The following CPSF7 variants were observed in gnomAD, a reference collection of about 807,000 sequenced individuals.
CPSF7 encodes cleavage and polyadenylation specificity factor subunit 7.
A neutral mutation model predicts 44.3 loss-of-function variants in CPSF7; 1 was observed. The observed-to-expected ratio is 0.02, with a 90% CI of 0.01 to 0.11. The LOEUF (loss-of-function observed/expected upper bound fraction) is 0.11. Among genes scored for constraint, CPSF7 ranks in the 10% least tolerant of loss-of-function variants. The pLI, the probability that CPSF7 is intolerant of heterozygous loss-of-function variation, is 1.00. For missense variants in CPSF7, 443 were observed against 607.2 expected, an observed-to-expected ratio of 0.73 and a Z score of 2.84; for synonymous variants, 202 against 222.0, an observed-to-expected ratio of 0.91 and a Z score of 0.80.
chr11:61,405,456 C>CAG (rs1859228132), intron 9 of CPSF7, among the ~76,000 whole-genome samples: 1 of 152,150 alleles, frequency 6.6e-6, no homozygotes, highest in African/African-American at 2.4e-5. Context: ...GAACAGAAAG[C>CAG]AGAGCATGGA....
At position 61,403,441 on chromosome 11, in the gene CPSF7, C is replaced by T. The variant is rs371425642; in HGVS notation, c.*1269G>A. On this transcript the variant is annotated 3_prime_UTR_variant, in exon 10 of 10. Transcript: ENST00000439958. ...TGTTATGGAAAAGCAATTCCATTTG[C>T]CTGTAGAGAAAATGGCCCCCAGAAT... 10 of 152,304 alleles carry T rather than the reference C, an allele frequency of 6.6e-5. No individual in the cohort carries two copies. The highest frequency in any genetic ancestry group is 6.2e-4 in the South Asian group (3 of 4,828). The allele number at this position is 152,304 out of a possible 1,614,324, so 9.4% of individuals were successfully genotyped here.
intron 2 of CPSF7, among the ~76,000 whole-genome samples, chr11:61,423,136 C>A (rs1590727037): frequency 3.7e-5 from 4 of 109,168 alleles, no homozygotes; most frequent in South Asian, 3.3e-4. Context: ...AAAAAGGGTT[C>A]AGGATTCTAC....
intron 3 of CPSF7, chr11:61,421,067 C>A (rs760574710): frequency 2.7e-5 from 37 of 1,347,704 alleles, no homozygotes; most frequent in Non-Finnish European, 3.5e-5. Flanking sequence ...TATCACAGGA[C>A]CATCTAATGA....
At chr11:61,408,287 G>A (rs750058094) in intron 9 of CPSF7, among the ~76,000 whole-genome samples, 18 of 151,698 alleles carry the variant, frequency 1.2e-4, no homozygotes, top group Admixed American at 3.9e-4. Context: ...GGTCTCGGTC[G>A]GGATAGAGAC....
At position 61,416,454 on chromosome 11, in the gene CPSF7, C is replaced by T; in HGVS notation, c.589G>A (p.Glu197Lys). 1 of 1,614,126 alleles carries T rather than the reference C, an allele frequency of 6.2e-7. No homozygotes were observed. The highest frequency in any genetic ancestry group is 8.5e-7 in the Non-Finnish European group (1 of 1,180,014). The part of the protein sequence containing the change: ...DSADGRATPS[E>K]NLVPSSARVD... Reference sequence around the variant, plus strand: ...CGAGCAGATGAGGGTACAAGGTTCTCAGAGGGTGTGGCCCGTCCATCAGCA... The same window carrying T: ...CGAGCAGATGAGGGTACAAGGTTCTTAGAGGGTGTGGCCCGTCCATCAGCA... Residue 197 changes from glutamate (E) to lysine (K), a missense_variant, in exon 6 of 10, where the codon GAG (glutamate) becomes AAG (lysine). Transcript: ENST00000439958.
chr11:61,410,739 C>G, intron 9 of CPSF7, 199 bp downstream of exon 9: 1 of 479,192 alleles, frequency 2.1e-6, no homozygotes, highest in Non-Finnish European at 3.6e-6. Flanking sequence ...AGTCAAGAAA[C>G]AAGCAGAAAC....
intron 9 of CPSF7, among the ~76,000 whole-genome samples, chr11:61,409,539 A>G (rs976753728): frequency 6.6e-6 from 1 of 152,206 alleles, no homozygotes; most frequent in Non-Finnish European, 1.5e-5. Flanking sequence ...CCAAAAGCAA[A>G]AAACCCTTCC....
At chr11:61,428,075 C>T (rs749765202) in intron 2 of CPSF7, among the ~76,000 whole-genome samples, 1 of 152,148 alleles carries the variant, frequency 6.6e-6, no homozygotes, top group African/African-American at 2.4e-5. Flanking sequence ...TGAAAATAAC[C>T]CAGGCAAGAT....
At chr11:61,424,315 C>G (rs1446066754) in intron 2 of CPSF7, among the ~76,000 whole-genome samples, 2 of 152,200 alleles carry the variant, frequency 1.3e-5, no homozygotes, top group Non-Finnish European at 2.9e-5. Context: ...ACTATCCCAA[C>G]TCTATAGACA....
intron 2 of CPSF7, among the ~76,000 whole-genome samples, chr11:61,427,505 T>G (rs1261936490): frequency 1.3e-5 from 2 of 151,294 alleles, no homozygotes; most frequent in Non-Finnish European, 2.9e-5. Context: ...TTACAAAAAT[T>G]AGCCAGGTGA....
At chr11:61,410,039 A>T (rs1216888955) in intron 9 of CPSF7, among the ~76,000 whole-genome samples, 1 of 150,472 alleles carries the variant, frequency 6.6e-6, no homozygotes, top group Non-Finnish European at 1.5e-5. Flanking sequence ...GTGATCCTCT[A>T]GCCTCTGCCT....
intron 3 of CPSF7, 179 bp downstream of exon 3, chr11:61,421,211 G>A: frequency 9.5e-7 from 1 of 1,056,362 alleles, no homozygotes. Context: ...GCTTTCTTCG[G>A]CACCAGTACG....
At chr11:61,418,223 A>G (rs917933181) in intron 5 of CPSF7, among the ~76,000 whole-genome samples, 5 of 152,204 alleles carry the variant, frequency 3.3e-5, no homozygotes, top group Non-Finnish European at 5.9e-5. Context: ...GGATACACCC[A>G]ATCAATACAA....
intron 9 of CPSF7, among the ~76,000 whole-genome samples, chr11:61,407,472 T>G (rs1859430464): frequency 6.6e-6 from 1 of 152,184 alleles, no homozygotes; most frequent in Admixed American, 6.5e-5. Flanking sequence ...GAGACTGAAT[T>G]AGGCCAAAGT....
rs968491006 is a variant in CPSF7, at chr11:61,402,800, G to A, written c.*1910C>T. On this transcript the variant is annotated 3_prime_UTR_variant, in exon 10 of 10. Transcript: ENST00000439958. ...AGACAAACAAATCACCGACAACAGG[G>A]GGACGGGACCTTGGCCTTTTTGAGG... The A allele has an allele frequency of 6.6e-6, 1 of 152,496 alleles. No individual in the cohort carries two copies. Among genetic ancestry groups the A allele is most frequent in the Non-Finnish European group, 1.5e-5 (1 of 68,030 alleles). The allele number at this position is 152,496 out of a possible 1,614,324, so 9.4% of individuals were successfully genotyped here. A position where few individuals can be genotyped will look rare whatever the true frequency, so the allele number is the denominator to read the frequency against.
At chr11:61,428,413 T>C (rs1175434766) in intron 2 of CPSF7, among the ~76,000 whole-genome samples, 1 of 152,170 alleles carries the variant, frequency 6.6e-6, no homozygotes, top group Non-Finnish European at 1.5e-5. Context: ...ATTGAACTTC[T>C]GGTCTTAAGT....
At chr11:61,415,864 G>T in intron 6 of CPSF7, 80 bp from the exon 7 acceptor site, 1 of 1,090,426 alleles carries the variant, frequency 9.2e-7, no homozygotes, top group Non-Finnish European at 1.4e-6. Context: ...TGGTAATTTT[G>T]GCATAACACA....
chr11:61,422,094 C>A (rs896665061), intron 2 of CPSF7, among the ~76,000 whole-genome samples: 1 of 152,028 alleles, frequency 6.6e-6, no homozygotes, highest in Non-Finnish European at 1.5e-5. Flanking sequence ...AAAGTGGGTA[C>A]AAAAATGCAG....
At chr11:61,411,642 T>A in intron 8 of CPSF7, 127 bp downstream of exon 8, 2 of 739,778 alleles carry the variant, frequency 2.7e-6, no homozygotes, top group African/African-American at 1.7e-5. Context: ...CAAAAAGACA[T>A]GAAGGCTAAC....
Sources: allele counts gnomAD v4.1 joint callset (sites outside exome capture counted in the v4.1 genomes callset), GRCh38; gene constraint gnomAD v4.1.1; transcripts MANE v1.5; gene names NCBI Gene and HGNC (gene_info 2026-07-23, HGNC 2026-07-21).